Variants in COL24A1 observed in about 807,000 individuals in gnomAD.
The protein encoded by COL24A1 is collagen type XXIV alpha 1 chain, also known as collagen alpha-1(XXIV) chain.
Under a neutral mutation model 253.9 loss-of-function variants are expected in COL24A1, and 224 were observed. That is an observed-to-expected ratio of 0.88 (90% CI 0.79 to 0.99). COL24A1 has a LOEUF of 0.99. Ranked by LOEUF, COL24A1 falls within the 50% of genes least tolerant of loss-of-function variation. COL24A1 has a pLI of 0.00. For missense variants in COL24A1, 2,131 were observed against 2,068.5 expected (o/e 1.03, Z -0.59); for synonymous variants, 685 against 673.7 (o/e 1.02, Z -0.26).
chr1:86,024,721 A>C (rs551636062), intron 14 of COL24A1, among the ~76,000 whole-genome samples: 3 of 152,288 alleles, frequency 2.0e-5, no homozygotes, highest in Admixed American at 2.0e-4. Flanking sequence ...AGTTTATTCA[A>C]AGTTCATAGC....
intron 32 of COL24A1, among the ~76,000 whole-genome samples, chr1:85,879,649 ATATGT>A (rs2102641130): frequency 1.3e-5 from 2 of 152,290 alleles, no homozygotes; most frequent in South Asian, 4.1e-4. Flanking sequence ...CACATATTTT[ATATGT>A]TATATGTATT....
At chr1:86,011,413 T>C (rs1696470916) in intron 19 of COL24A1, among the ~76,000 whole-genome samples, 1 of 152,206 alleles carries the variant, frequency 6.6e-6, no homozygotes, top group Non-Finnish European at 1.5e-5. Context: ...CATGTATAAT[T>C]AGTTCACTGG....
At chr1:86,080,283 T>C (rs1328568186) in intron 7 of COL24A1, among the ~76,000 whole-genome samples, 1 of 151,934 alleles carries the variant, frequency 6.6e-6, no homozygotes, top group African/African-American at 2.4e-5. Flanking sequence ...GGGAGGGGAA[T>C]AGGAGATCAG....
intron 32 of COL24A1, among the ~76,000 whole-genome samples, chr1:85,882,654 CTT>C (rs1681999815): frequency 6.6e-6 from 1 of 152,066 alleles, no homozygotes; most frequent in Non-Finnish European, 1.5e-5. Flanking sequence ...CTAACTCTCT[CTT>C]GACTAATTTT....
intron 53 of COL24A1, among the ~76,000 whole-genome samples, chr1:85,772,173 C>T (rs1024509388): frequency 5.9e-5 from 9 of 151,586 alleles, no homozygotes; most frequent in African/African-American, 2.2e-4. Flanking sequence ...TGTATATGTG[C>T]CACATTTTCT....
chr1:86,077,065 A>G (rs1412048969), intron 7 of COL24A1, among the ~76,000 whole-genome samples: 1 of 152,214 alleles, frequency 6.6e-6, no homozygotes, highest in Non-Finnish European at 1.5e-5. Context: ...AACCTACAGG[A>G]CAGGAGAAAA....
In COL24A1 at chr1:85,784,050, T is replaced by C. The variant is rs1005679180; in HGVS notation, c.4221+63A>G. ...AAAAAAGCTCAAGTTACAGACTATA[T>C]TATTTCAACAGCTCTTTTATTTCTA... On this transcript the variant is annotated intron_variant, in intron 50 of 59. Transcript: ENST00000370571. The C allele has an allele frequency of 3.1e-6, 4 of 1,310,746 alleles. No individual in the cohort carries two copies. In the African/African-American group the frequency reaches 5.9e-5, roughly 19 times the overall value. 81.2% of individuals were successfully genotyped at this position (1,310,746 alleles called of 1,614,324 possible). A position where few individuals can be genotyped will look rare whatever the true frequency, so the allele number is the denominator to read the frequency against.
At chr1:86,040,357 C>T (rs561179642) in intron 12 of COL24A1, among the ~76,000 whole-genome samples, 26 of 151,584 alleles carry the variant, frequency 1.7e-4, no homozygotes, top group African/African-American at 6.0e-4. Context: ...GGTACATGTG[C>T]ACAATGTGCA....
At chr1:86,016,954 T>C (rs918625642) in intron 19 of COL24A1, among the ~76,000 whole-genome samples, 197 bp downstream of exon 19, 3 of 152,216 alleles carry the variant, frequency 2.0e-5, no homozygotes, top group Admixed American at 1.3e-4. Flanking sequence ...ATGTGGCTAA[T>C]GCACTTTTCT....
At chr1:86,088,358 C>T (rs1455638664) in intron 7 of COL24A1, among the ~76,000 whole-genome samples, 1 of 152,070 alleles carries the variant, frequency 6.6e-6, no homozygotes, top group African/African-American at 2.4e-5. Context: ...ATTTAGATAT[C>T]CATATCAAGT....
intron 55 of COL24A1, among the ~76,000 whole-genome samples, chr1:85,754,410 A>G (rs1266162374): frequency 1.9e-3 from 176 of 90,536 alleles, no homozygotes; most frequent in Middle Eastern, 4.3e-3. Flanking sequence ...GGGGGGAGGG[A>G]TAGCATTGGG....
intron 55 of COL24A1, among the ~76,000 whole-genome samples, chr1:85,760,103 G>A (rs1468444825): frequency 4.0e-5 from 6 of 151,686 alleles, no homozygotes; most frequent in Non-Finnish European, 7.4e-5. Context: ...TTGAGACAGA[G>A]TCTTGCTCTG....
intron 20 of COL24A1, among the ~76,000 whole-genome samples, chr1:85,981,804 C>A (rs591634): frequency 0.76 from 114,825 of 152,040 alleles, 44,292 homozygotes; most frequent in African/African-American, 0.9. Flanking sequence ...CAATAGCAAA[C>A]ACCAAATTAC....
chr1:85,893,459 C>T (rs1448905592), intron 31 of COL24A1, among the ~76,000 whole-genome samples: 2 of 152,080 alleles, frequency 1.3e-5, no homozygotes, highest in African/African-American at 4.8e-5. Flanking sequence ...ATCTCACAAA[C>T]TGATAGACTA....
intron 7 of COL24A1, among the ~76,000 whole-genome samples, chr1:86,064,998 CA>C (rs1701366252): frequency 6.6e-6 from 1 of 152,026 alleles, no homozygotes; most frequent in Non-Finnish European, 1.5e-5. Context: ...TAAAAATATC[CA>C]CAAAGCTAAG....
intron 59 of COL24A1, among the ~76,000 whole-genome samples, chr1:85,734,361 A>G (rs1032461715): frequency 1.3e-5 from 2 of 152,238 alleles, no homozygotes; most frequent in African/African-American, 4.8e-5. Flanking sequence ...TTTATGCAAT[A>G]ATGAGATGTA....
intron 53 of COL24A1, among the ~76,000 whole-genome samples, chr1:85,765,347 C>A (rs1570510857): frequency 1.6e-5 from 1 of 60,882 alleles, no homozygotes; most frequent in African/African-American, 4.7e-5. Flanking sequence ...TGAGATTGTT[C>A]TCTGTTTTTT....
At chr1:85,942,753 T>C (rs1053277887) in intron 24 of COL24A1, among the ~76,000 whole-genome samples, 1 of 152,176 alleles carries the variant, frequency 6.6e-6, no homozygotes, top group Admixed American at 6.5e-5. Context: ...GTGTCTTCAG[T>C]TGCATGCAGG....
At chr1:85,910,118 A>G in intron 25 of COL24A1, 115 bp from the exon 26 acceptor site, 1 of 607,006 alleles carries the variant, frequency 1.6e-6, no homozygotes, top group Non-Finnish European at 2.7e-6. Context: ...TGCATACATC[A>G]TTTTTATTTC....
Sources: gnomAD v4.1 joint callset for allele counts (sites outside exome capture counted in the v4.1 genomes callset) on GRCh38, gnomAD v4.1.1 for gene constraint, MANE v1.5 for transcripts, NCBI Gene and HGNC (gene_info 2026-07-23, HGNC 2026-07-21) for gene names.